The following CSTPP1 variants were observed in gnomAD, a reference collection of about 807,000 sequenced individuals.
CSTPP1 encodes UPF0705 protein C11orf49.
chr11:47,056,308 G>T, the CSTPP1 span, among the ~76,000 whole-genome samples: 57 of 152,206 alleles, frequency 3.7e-4, no homozygotes, highest in African/African-American at 1.4e-3. Flanking sequence ...TATGGCTAGA[G>T]CTAGTTTCTG....
chr11:47,112,510 C>T, the CSTPP1 span, among the ~76,000 whole-genome samples: 43 of 152,004 alleles, frequency 2.8e-4, no homozygotes, highest in African/African-American at 8.9e-4. Flanking sequence ...TTTGTAGAGA[C>T]GGGTTTTCAC....
chr11:46,985,345 G>C, the CSTPP1 span, among the ~76,000 whole-genome samples: 62 of 152,160 alleles, frequency 4.1e-4, no homozygotes, highest in African/African-American at 1.4e-3. Context: ...ATAGTTTTTT[G>C]AAATACCAAT....
the CSTPP1 span, among the ~76,000 whole-genome samples, chr11:47,031,989 C>T: frequency 6.6e-6 from 1 of 152,140 alleles, no homozygotes; most frequent in Non-Finnish European, 1.5e-5. Context: ...TCTCTCTTTT[C>T]ACATTTTTCT....
chr11:46,982,930 T>G, the CSTPP1 span, among the ~76,000 whole-genome samples: 3 of 152,108 alleles, frequency 2.0e-5, no homozygotes, highest in Non-Finnish European at 4.4e-5. Flanking sequence ...TTGCCCAATT[T>G]TATAGAAAAG....
chr11:47,009,856 G>A, the CSTPP1 span, among the ~76,000 whole-genome samples: 2 of 151,990 alleles, frequency 1.3e-5, no homozygotes, highest in Admixed American at 1.3e-4. Context: ...GGCAAAGACA[G>A]TACCTCATAA....
At chr11:47,145,300 C>G in the CSTPP1 span, among the ~76,000 whole-genome samples, 2 of 151,978 alleles carry the variant, frequency 1.3e-5, no homozygotes, top group Non-Finnish European at 2.9e-5. Flanking sequence ...TGCCTGCATT[C>G]TTATTCTGGC....
the CSTPP1 span, among the ~76,000 whole-genome samples, chr11:47,124,039 TA>T: frequency 6.7e-6 from 1 of 149,088 alleles, no homozygotes; most frequent in Non-Finnish European, 1.5e-5. Context: ...CCTAGAATGT[TA>T]AACCCAAAAG....
the CSTPP1 span, among the ~76,000 whole-genome samples, chr11:46,973,771 G>A: frequency 9.9e-6 from 1 of 101,388 alleles, no homozygotes; most frequent in African/African-American, 5.2e-5. Flanking sequence ...TATGTATACT[G>A]GAGGGTGTAT....
At chr11:47,058,990 C>T in the CSTPP1 span, among the ~76,000 whole-genome samples, 36 of 152,284 alleles carry the variant, frequency 2.4e-4, no homozygotes, top group Non-Finnish European at 1.0e-4. Flanking sequence ...GGAACATATA[C>T]ACCACAGAAT....
At chr11:47,125,282 G>A in the CSTPP1 span, among the ~76,000 whole-genome samples, 3 of 152,194 alleles carry the variant, frequency 2.0e-5, no homozygotes, top group East Asian at 1.9e-4. Flanking sequence ...ATAGGTAGCC[G>A]TAAATCCATC....
chr11:47,135,679 G>A, the CSTPP1 span, among the ~76,000 whole-genome samples: 3,333 of 152,298 alleles, frequency 0.022, 74 homozygotes, highest in South Asian at 0.12. Context: ...ACAATTAAAA[G>A]TTGTTTATTT....
At chr11:47,156,187 C>T in the CSTPP1 span, among the ~76,000 whole-genome samples, 1 of 152,182 alleles carries the variant, frequency 6.6e-6, no homozygotes, top group Non-Finnish European at 1.5e-5. Flanking sequence ...CCTGGGGTCT[C>T]GCCACCTGCT....
At chr11:47,014,729 AAGAG>A in the CSTPP1 span, among the ~76,000 whole-genome samples, 35 of 147,192 alleles carry the variant, frequency 2.4e-4, no homozygotes, top group African/African-American at 4.5e-4. Context: ...GAGAGAAAGA[AAGAG>A]AGAGAGAAGG....
chr11:47,127,500 C>T, the CSTPP1 span, among the ~76,000 whole-genome samples: 2 of 152,136 alleles, frequency 1.3e-5, no homozygotes, highest in Non-Finnish European at 2.9e-5. Context: ...GAAATAAGAT[C>T]GTTTCAGCCA....
chr11:47,071,945 C>T, the CSTPP1 span, among the ~76,000 whole-genome samples: 1 of 152,200 alleles, frequency 6.6e-6, no homozygotes, highest in Admixed American at 6.5e-5. Context: ...TGGGAAGTTG[C>T]ATGTAGCAGC....
chr11:47,007,289 C>T, the CSTPP1 span, among the ~76,000 whole-genome samples: 1 of 152,080 alleles, frequency 6.6e-6, no homozygotes, highest in Non-Finnish European at 1.5e-5. Context: ...CCTCGGCCTC[C>T]CAAAGTGCTG....
At chr11:46,941,363 G>A in the CSTPP1 span, among the ~76,000 whole-genome samples, 6 of 151,536 alleles carry the variant, frequency 4.0e-5, no homozygotes, top group East Asian at 3.9e-4. Flanking sequence ...TTCTTGAGAC[G>A]GAGTCTCGCT....
chr11:47,004,455 A>C, the CSTPP1 span: 1 of 151,974 alleles, frequency 6.6e-6, no homozygotes, highest in East Asian at 1.9e-4. Context: ...CTAGAATTAC[A>C]GGTGTGCGCC....
At chr11:46,937,925 C>T in the CSTPP1 span, among the ~76,000 whole-genome samples, 1 of 152,020 alleles carries the variant, frequency 6.6e-6, no homozygotes, top group South Asian at 2.1e-4. Flanking sequence ...CAGAGTTTCT[C>T]TCCTGTTGCC....
Sources: allele counts gnomAD v4.1 joint callset (sites outside exome capture counted in the v4.1 genomes callset), GRCh38; gene constraint gnomAD v4.1.1; transcripts MANE v1.5; gene names NCBI Gene and HGNC (gene_info 2026-07-23, HGNC 2026-07-21).